The following CDK6 variants were observed in gnomAD, a reference collection of about 807,000 sequenced individuals.
CDK6 encodes cyclin-dependent kinase 6.
A neutral mutation model predicts 37.1 loss-of-function variants in CDK6; 6 were observed. The observed-to-expected ratio is 0.16, with a 90% CI of 0.09 to 0.32. The LOEUF (loss-of-function observed/expected upper bound fraction) is 0.32, where lower values mean the gene tolerates loss of function less well. Among genes scored for constraint, CDK6 ranks in the 10% least tolerant of loss-of-function variants. The pLI, the probability that CDK6 is intolerant of heterozygous loss-of-function variation, is 1.00. For synonymous variants in CDK6, 160 were observed against 161.3 expected (o/e 0.99, Z 0.06); for missense variants, 224 against 418.9 (o/e 0.53, Z 4.06).
intron 4 of CDK6, among the ~76,000 whole-genome samples, chr7:92,680,837 C>T (rs1797319208): frequency 6.6e-6 from 1 of 152,196 alleles, no homozygotes; most frequent in Admixed American, 6.5e-5. Flanking sequence ...AAGCCTCACT[C>T]ACATATTGCT....
Position 92,763,771 on chromosome 7 carries a change from G to A in CDK6, c.369+10925C>T, listed in dbSNP as rs141877335. Reference sequence around the variant, plus strand: ...CTGAGTCATCTCAGAATGTAAGGGAGATGTTTTCCATTTCCCACTTGTGTC... The same window carrying A: ...CTGAGTCATCTCAGAATGTAAGGGAAATGTTTTCCATTTCCCACTTGTGTC... On this transcript the variant is annotated intron_variant, in intron 3 of 7. Coordinates refer to ENST00000424848, the MANE Select transcript of CDK6 (RefSeq NM_001145306.2). Among the ~76,000 whole-genome samples the A allele has an allele frequency of 2.0e-3, 312 of 152,322 alleles. 1 individual carries two copies. Among genetic ancestry groups the A allele is most frequent in the African/African-American group, 7.2e-3 (300 of 41,572 alleles).
intron 4 of CDK6, among the ~76,000 whole-genome samples, chr7:92,724,209 C>T (rs1343524440): frequency 1.3e-5 from 2 of 152,166 alleles, no homozygotes; most frequent in Non-Finnish European, 2.9e-5. Context: ...CAGACTCAGC[C>T]CTTTCTGGTG....
chr7:92,759,571 A>G (rs1267016852), intron 3 of CDK6, among the ~76,000 whole-genome samples: 2 of 152,026 alleles, frequency 1.3e-5, no homozygotes, highest in East Asian at 1.9e-4. Context: ...TACCAAAACT[A>G]TGGGTATTTA....
intron 3 of CDK6, among the ~76,000 whole-genome samples, chr7:92,752,487 A>T (rs1799211193): frequency 6.6e-6 from 1 of 152,234 alleles, no homozygotes; most frequent in Non-Finnish European, 1.5e-5. Flanking sequence ...AATGCTGTTG[A>T]AACTTTGGGA....
intron 2 of CDK6, among the ~76,000 whole-genome samples, chr7:92,832,591 G>A (rs1254204008): frequency 6.6e-6 from 1 of 152,112 alleles, no homozygotes. Context: ...ATATTATGAT[G>A]TTTCTGCATC....
At chr7:92,656,475 T>C (rs1796702012) in intron 5 of CDK6, among the ~76,000 whole-genome samples, 1 of 152,214 alleles carries the variant, frequency 6.6e-6, no homozygotes, top group Non-Finnish European at 1.5e-5. Context: ...TTTAGCGCCT[T>C]GGTTGTGTTT....
At chr7:92,821,723 T>TTA (rs941385999) in intron 2 of CDK6, among the ~76,000 whole-genome samples, 1 of 151,346 alleles carries the variant, frequency 6.6e-6, no homozygotes, top group African/African-American at 2.4e-5. Context: ...ATAAATTATG[T>TTA]TATATATATA....
intron 3 of CDK6, among the ~76,000 whole-genome samples, chr7:92,735,051 T>C (rs1365124402): frequency 6.6e-6 from 1 of 152,198 alleles, no homozygotes; most frequent in Non-Finnish European, 1.5e-5. Flanking sequence ...CAAATCACTT[T>C]GCCTGAGTCT....
rs42046 is a variant in CDK6, at chr7:92,622,889, C to G, written c.698+147G>C. ...AAACGGCACTTCTACCATGTCTCCA[C>G]TCACCACACAAATAGTAACACTGTC... On this transcript the variant is annotated intron_variant, in intron 6 of 7. Coordinates refer to ENST00000424848, the MANE Select transcript of CDK6 (RefSeq NM_001145306.2). 134,322 of 593,384 alleles carry G rather than the reference C, an allele frequency of 0.23. 17,529 individuals are homozygous for G. Among genetic ancestry groups the G allele is most frequent in the Middle Eastern group, 0.29 (1,001 of 3,462 alleles). 36.8% of individuals were successfully genotyped at this position (593,384 alleles called of 1,614,324 possible).
rs1378005553 is a variant in CDK6, at chr7:92,640,628, T to C, written c.648-17542A>G. Among the ~76,000 whole-genome samples, 3 of 152,216 alleles carry C rather than the reference T, an allele frequency of 2.0e-5. No homozygotes were observed. The East Asian group carries it at 5.8e-4, about 29-fold the overall frequency. ...TGACTATTACTTTCTGACTGACGAC[T>C]TCTGGGTCTACTCTGGGTATTTCAC... On this transcript the variant is annotated intron_variant, in intron 5 of 7. Transcript: ENST00000424848.
chr7:92,721,848 G>GA (rs1303960374), intron 4 of CDK6, among the ~76,000 whole-genome samples: 3 of 152,010 alleles, frequency 2.0e-5, no homozygotes, highest in Non-Finnish European at 4.4e-5. Flanking sequence ...GTTTTCACTA[G>GA]AAAAATAAAA....
At position 92,620,283 on chromosome 7, in the gene CDK6, C is replaced by CTA. The variant is rs1236813436; in HGVS notation, c.699-2078_699-2077dup. ...TATAAAATTTTAAACAAACACATAACTATATATATAAAACTTTAAGTCTAT... is the reference window on the plus strand; with the variant it reads ...TATAAAATTTTAAACAAACACATAACTATATATATATAAAACTTTAAGTCTAT... On this transcript the variant is annotated intron_variant, in intron 6 of 7. Transcript: ENST00000424848. 2.0e-5 allele frequency among the ~76,000 whole-genome samples: 3 copies of CTA among 151,964 alleles called. No homozygotes were observed. In the South Asian group the frequency reaches 6.2e-4, roughly 32 times the overall value.
intron 2 of CDK6, 97 bp from the exon 3 acceptor site, chr7:92,774,928 A>G (rs2115787723): frequency 1.8e-6 from 2 of 1,101,952 alleles, no homozygotes; most frequent in East Asian, 2.6e-5. Context: ...CATAATAGAA[A>G]AAAAAGGCCA....
At chr7:92,740,652 T>G (rs2115629343) in intron 3 of CDK6, among the ~76,000 whole-genome samples, 1 of 152,336 alleles carries the variant, frequency 6.6e-6, no homozygotes. Flanking sequence ...ATTATTTCAT[T>G]TATTTTTCTC....
Position 92,614,542 on chromosome 7 carries a change from T to C in CDK6, c.*598A>G, listed in dbSNP as rs777751527. ...GGCCAGAAAAGAAATGCTGAGGACA[T>C]GGGGTTAACTTTCTAATTTGAGAAG... On this transcript the variant is annotated 3_prime_UTR_variant, in exon 8 of 8. Transcript: ENST00000424848. The C allele has an allele frequency of 4.3e-6, 1 of 233,424 alleles. No individual in the cohort carries two copies. The highest frequency in any genetic ancestry group is 8.5e-6 in the Non-Finnish European group (1 of 118,092). The allele number at this position is 233,424 out of a possible 1,614,324, so 14.5% of individuals were successfully genotyped here. A position where few individuals can be genotyped will look rare whatever the true frequency, so the allele number is the denominator to read the frequency against.
At chr7:92,751,140 T>C (rs1799179915) in intron 3 of CDK6, among the ~76,000 whole-genome samples, 1 of 152,180 alleles carries the variant, frequency 6.6e-6, no homozygotes, top group African/African-American at 2.4e-5. Flanking sequence ...AACAACGTCA[T>C]ATAAAAATTC....
rs764104509 is a variant in CDK6 at position 92,640,687 on chromosome 7, G to GT, written c.648-17602dup. On this transcript the variant is annotated intron_variant, in intron 5 of 7. Transcript: ENST00000424848. ...AATCCCAATCTTCCTCCTTAAAAAT[G>GT]TATTGAATGACATTCATTTAATACA... 5.8e-4 allele frequency among the ~76,000 whole-genome samples: 89 copies of GT among 152,144 alleles called. 2 individuals carry two copies. Among genetic ancestry groups the GT allele is most frequent in the Non-Finnish European group, 5.1e-4 (35 of 68,028 alleles).
intron 4 of CDK6, among the ~76,000 whole-genome samples, chr7:92,698,670 T>C (rs1797774233): frequency 6.6e-6 from 1 of 152,168 alleles, no homozygotes. Context: ...CTGTCGTCGG[T>C]GTAATTCAGA....
intron 3 of CDK6, among the ~76,000 whole-genome samples, chr7:92,750,273 G>C (rs1480461001): frequency 6.6e-6 from 1 of 152,050 alleles, no homozygotes; most frequent in Non-Finnish European, 1.5e-5. Context: ...CACCCTCTTC[G>C]GGACCCACTT....
Sources: gnomAD v4.1 joint callset for allele counts (sites outside exome capture counted in the v4.1 genomes callset) on GRCh38, gnomAD v4.1.1 for gene constraint, MANE v1.5 for transcripts, NCBI Gene and HGNC (gene_info 2026-07-23, HGNC 2026-07-21) for gene names.